Variants in STAT4 observed in about 807,000 individuals in gnomAD.
The protein encoded by STAT4 is signal transducer and activator of transcription 4.
Under a neutral mutation model 110.5 loss-of-function variants are expected in STAT4, and 42 were observed. The ratio of observed to expected loss-of-function variants is 0.38; its 90% CI spans 0.30 to 0.49. The LOEUF (loss-of-function observed/expected upper bound fraction) is 0.49. Ranked by LOEUF, STAT4 falls within the 20% of genes least tolerant of loss-of-function variation. The pLI, the probability that STAT4 is intolerant of heterozygous loss-of-function variation, is 0.95. For missense variants in STAT4, 632 were observed against 887.9 expected (o/e 0.71, Z 3.66); for synonymous variants, 284 against 302.2 (o/e 0.94, Z 0.63).
In STAT4 at chr2:191,150,829, A is replaced by C. The variant is rs112576159; in HGVS notation, c.-2+118T>G. On this transcript the variant is annotated intron_variant, in intron 1 of 23. Coordinates refer to ENST00000392320, the MANE Select transcript of STAT4 (RefSeq NM_003151.4). The surrounding 1 kb of genome is among the most constrained non-coding windows in gnomAD (Gnocchi z 6.4). Reference sequence around the variant, plus strand: ...TCCTTCTATAATAAGCCTCCTCAGGAAGGTTAAAATGAAGCAATTGTCAAA... The same window carrying C: ...TCCTTCTATAATAAGCCTCCTCAGGCAGGTTAAAATGAAGCAATTGTCAAA... 3.4e-4 allele frequency: 290 copies of C among 841,552 alleles called. 6 individuals carry two copies. In the African/African-American group the frequency reaches 5.0e-3, roughly 14 times the overall value. The allele number at this position is 841,552 out of a possible 1,614,324, so 52.1% of individuals were successfully genotyped here. A position where few individuals can be genotyped will look rare whatever the true frequency, so the allele number is the denominator to read the frequency against.
Position 191,031,417 on chromosome 2 carries a change from A to G in STAT4, c.2111+33T>C. 6.3e-7 allele frequency: 1 copy of G among 1,599,080 alleles called. No homozygotes were observed. Among genetic ancestry groups the G allele is most frequent in the Non-Finnish European group, 8.5e-7 (1 of 1,172,252 alleles). On this transcript the variant is annotated intron_variant, in intron 22 of 23. Transcript: ENST00000392320. The surrounding 1 kb of genome is among the most constrained non-coding windows in gnomAD (Gnocchi z 4.8). ...AATCTCCTATAGGAAAGCTTTTTATAAAAATATTTCACATGTGACTAACAT... is the reference window on the plus strand; with the variant it reads ...AATCTCCTATAGGAAAGCTTTTTATGAAAATATTTCACATGTGACTAACAT...
chr2:191,089,591 A>G (rs1206022790), intron 3 of STAT4, among the ~76,000 whole-genome samples: 3 of 152,264 alleles, frequency 2.0e-5, no homozygotes, highest in Non-Finnish European at 2.9e-5. Context: ...TCATTTCTAC[A>G]TGAAAACCTA....
rs1696480297 is a variant in STAT4 at position 191,050,191 on chromosome 2, C to T, written c.1251+4299G>A. On this transcript the variant is annotated intron_variant, in intron 14 of 23. Transcript: ENST00000392320. The surrounding 1 kb of genome is among the most constrained non-coding windows in gnomAD (Gnocchi z 4.3). ...ACTGGAGAAACTGCAATTCCAGCTTCTCTATTCAAACAGTTTTCACATTTC... is the reference window on the plus strand; with the variant it reads ...ACTGGAGAAACTGCAATTCCAGCTTTTCTATTCAAACAGTTTTCACATTTC... Among the ~76,000 whole-genome samples, 2 of 152,182 alleles carry T rather than the reference C, an allele frequency of 1.3e-5. No individual in the cohort carries two copies. The highest frequency in any genetic ancestry group is 4.1e-4 in the South Asian group (2 of 4,830).
Position 191,146,394 on chromosome 2 carries a change from G to T in STAT4, c.273+219C>A, listed in dbSNP as rs568868462. On this transcript the variant is annotated intron_variant, in intron 3 of 23. Coordinates refer to ENST00000392320, the MANE Select transcript of STAT4 (RefSeq NM_003151.4). The surrounding 1 kb of genome is among the most constrained non-coding windows in gnomAD (Gnocchi z 4.5). ...TGCAAGTCCCACATGCAACACACTT[G>T]TAATGTATTTTATACACTATACTTT... 6.6e-6 allele frequency among the ~76,000 whole-genome samples: 1 copy of T among 152,026 alleles called. No homozygotes were observed. Among genetic ancestry groups the T allele is most frequent in the African/African-American group, 2.4e-5 (1 of 41,414 alleles).
chr2:191,056,993 G>T (rs2125215995), intron 13 of STAT4, among the ~76,000 whole-genome samples: 1 of 152,236 alleles, frequency 6.6e-6, no homozygotes, highest in South Asian at 2.1e-4. Context: ...ATGTTGGCCA[G>T]GCTGGTCTCG....
chr2:191,109,641 T>G (rs143055084), intron 3 of STAT4, among the ~76,000 whole-genome samples: 1 of 152,140 alleles, frequency 6.6e-6, no homozygotes, highest in African/African-American at 2.4e-5. Flanking sequence ...CTTTCAGTAG[T>G]GTAGGGAGAA....
chr2:191,075,900 G>T, intron 4 of STAT4: 1 of 159,500 alleles, frequency 6.3e-6, no homozygotes, highest in Non-Finnish European at 1.3e-5. Flanking sequence ...CACCCAGGTT[G>T]GAGTACATGG....
At chr2:191,067,892 A>T (rs913088887) in intron 6 of STAT4, among the ~76,000 whole-genome samples, 1 of 152,192 alleles carries the variant, frequency 6.6e-6, no homozygotes, top group Non-Finnish European at 1.5e-5. Context: ...AATTGTGAAA[A>T]AGAGGCCCCA....
At position 191,091,745 on chromosome 2, in the gene STAT4, C is replaced by T. The variant is rs1430350771; in HGVS notation, c.274-15420G>A. Among the ~76,000 whole-genome samples, 1 of 152,148 alleles carries T rather than the reference C, an allele frequency of 6.6e-6. No homozygotes were observed. Among genetic ancestry groups the T allele is most frequent in the Non-Finnish European group, 1.5e-5 (1 of 68,034 alleles). On this transcript the variant is annotated intron_variant, in intron 3 of 23. Coordinates refer to ENST00000392320, the MANE Select transcript of STAT4 (RefSeq NM_003151.4). This position sits in a 1 kb window ranked among gnomAD's most constrained non-coding sequence, Gnocchi z 5.4. Reference sequence around the variant, plus strand: ...ACTGTTTGTGATAAATGCTGTCATCCTGAGTATACAGCTAGGTAAACTGAG... The same window carrying T: ...ACTGTTTGTGATAAATGCTGTCATCTTGAGTATACAGCTAGGTAAACTGAG...
intron 17 of STAT4, 151 bp from the exon 18 acceptor site, chr2:191,034,748 A>T (rs1208136857): frequency 1.7e-6 from 1 of 583,408 alleles, no homozygotes; most frequent in African/African-American, 1.9e-5. Context: ...TACAGTACAA[A>T]TACAAGACAT....
chr2:191,151,123 A>G, upstream of STAT4: 1 of 985,452 alleles, frequency 1.0e-6, no homozygotes, highest in Non-Finnish European at 1.2e-6. The surrounding 1 kb of genome is among the most constrained non-coding windows in gnomAD (Gnocchi z 4.7). Context: ...TACTTGGGTC[A>G]GTTCCCACCC....
intron 16 of STAT4, among the ~76,000 whole-genome samples, chr2:191,036,533 C>G (rs1164871910): frequency 6.6e-6 from 1 of 152,170 alleles, no homozygotes; most frequent in Admixed American, 6.5e-5. Context: ...TCAGCAGCTT[C>G]CCAGTATGAT....
In STAT4 at chr2:191,104,152, A is replaced by T. The variant is rs1444319856; in HGVS notation, c.274-27827T>A. Among the ~76,000 whole-genome samples, 1 of 152,200 alleles carries T rather than the reference A, an allele frequency of 6.6e-6. No homozygotes were observed. Among genetic ancestry groups the T allele is most frequent in the Non-Finnish European group, 1.5e-5 (1 of 68,016 alleles). On this transcript the variant is annotated intron_variant, in intron 3 of 23. Coordinates refer to ENST00000392320, the MANE Select transcript of STAT4 (RefSeq NM_003151.4). The surrounding 1 kb of genome is among the most constrained non-coding windows in gnomAD (Gnocchi z 4.3). ...TAATACTTTTAAAAAGACAAGAAAA[A>T]ATATACTAAAGTATCAACAGTGGTT...
At chr2:191,038,921 G>A (rs923939127) in intron 16 of STAT4, among the ~76,000 whole-genome samples, 1 of 152,140 alleles carries the variant, frequency 6.6e-6, no homozygotes, top group African/African-American at 2.4e-5. Flanking sequence ...GGATGGCCCT[G>A]GAACTCTCTG....
In STAT4 at chr2:191,091,017, C is replaced by T. The variant is rs573089573; in HGVS notation, c.274-14692G>A. On this transcript the variant is annotated intron_variant, in intron 3 of 23. Transcript: ENST00000392320. The surrounding 1 kb of genome is among the most constrained non-coding windows in gnomAD (Gnocchi z 5.4). ...TCACTCTGAAAAGCAGCTGGAGAGC[C>T]CTTTGTACAAAGTCAGAGGACCTGG... 1.3e-5 allele frequency among the ~76,000 whole-genome samples: 2 copies of T among 152,244 alleles called. No homozygotes were observed. The highest frequency in any genetic ancestry group is 6.5e-5 in the Admixed American group (1 of 15,292).
chr2:191,076,209 A>G lies in STAT4; in HGVS notation c.372+18T>C. On this transcript the variant is annotated intron_variant, in intron 4 of 23. Transcript: ENST00000392320. ...GAGTTCAAGGTGATAACAAGATCAC[A>G]AGGTCAGAAAATATTACCTGGACAG... 6.2e-7 allele frequency: 1 copy of G among 1,600,674 alleles called. No individual in the cohort carries two copies. Among genetic ancestry groups the G allele is most frequent in the Middle Eastern group, 1.7e-4 (1 of 6,038 alleles).
chr2:191,057,755 T>G (rs1048743914), intron 13 of STAT4, among the ~76,000 whole-genome samples: 4 of 151,694 alleles, frequency 2.6e-5, no homozygotes, highest in Non-Finnish European at 5.9e-5. Context: ...CCTGCCACCA[T>G]GCCTGGCTAA....
Position 191,053,404 on chromosome 2 carries a change from G to C in STAT4, c.1251+1086C>G, listed in dbSNP as rs781421979. 3.3e-5 allele frequency among the ~76,000 whole-genome samples: 5 copies of C among 152,212 alleles called. No individual in the cohort carries two copies. Among genetic ancestry groups the C allele is most frequent in the Non-Finnish European group, 7.3e-5 (5 of 68,038 alleles). On this transcript the variant is annotated intron_variant, in intron 14 of 23. Transcript: ENST00000392320. This position sits in a 1 kb window ranked among gnomAD's most constrained non-coding sequence, Gnocchi z 4.5. ...AACGTCACATTTTCAGGCCCTGGCAGAGCATGTACTCAAACCCAGGTTTTC... is the reference window on the plus strand; with the variant it reads ...AACGTCACATTTTCAGGCCCTGGCACAGCATGTACTCAAACCCAGGTTTTC...
At position 191,066,425 on chromosome 2, in the gene STAT4, C is replaced by T; in HGVS notation, c.630+5G>A. The T allele has an allele frequency of 6.2e-7, 1 of 1,612,520 alleles. No individual in the cohort carries two copies. The highest frequency in any genetic ancestry group is 8.5e-7 in the Non-Finnish European group (1 of 1,178,956). On this transcript the variant is annotated splice_donor_5th_base_variant and intron_variant, in intron 7 of 23. Transcript: ENST00000392320. This position sits in a 1 kb window ranked among gnomAD's most constrained non-coding sequence, Gnocchi z 4.3. ...CAAAAGCCCAAATTAAAATTCTTCA[C>T]TAACCTTTCTCTTGAAATCGAGGCT...
Sources: gnomAD v4.1 joint callset for allele counts (sites outside exome capture counted in the v4.1 genomes callset) on GRCh38, gnomAD v4.1.1 for gene constraint, Gnocchi (gnomAD v3.1) non-coding constraint, MANE v1.5 for transcripts, NCBI Gene and HGNC (gene_info 2026-07-23, HGNC 2026-07-21) for gene names.